The following SCHIP1 variants were observed in gnomAD, a reference collection of about 807,000 sequenced individuals.
SCHIP1 encodes schwannomin-interacting protein 1.
Under a neutral mutation model 29.7 loss-of-function variants are expected in SCHIP1, and 8 were observed. The ratio of observed to expected loss-of-function variants is 0.27; its 90% confidence interval spans 0.16 to 0.49. The LOEUF is 0.49. Among genes scored for constraint, SCHIP1 ranks in the 20% least tolerant of loss-of-function variants. SCHIP1 has a pLI of 0.99. For missense variants in SCHIP1, 193 were observed against 294.6 expected (o/e 0.66, Z 2.52); for synonymous variants, 76 against 94.9 (o/e 0.80, Z 1.16).
the SCHIP1 span, among the ~76,000 whole-genome samples, chr3:159,518,478 G>T: frequency 6.6e-6 from 1 of 151,882 alleles, no homozygotes; most frequent in African/African-American, 2.4e-5. Flanking sequence ...AAATCCCTTT[G>T]AAGAAATTAC....
At chr3:159,851,662 T>G (rs2109105942) in intron 1 of SCHIP1, among the ~76,000 whole-genome samples, 1 of 152,320 alleles carries the variant, frequency 6.6e-6, no homozygotes, top group East Asian at 1.9e-4. Flanking sequence ...AGAGCATACT[T>G]TAACCCCAAA....
the SCHIP1 span, among the ~76,000 whole-genome samples, chr3:159,614,006 T>G: frequency 6.6e-6 from 1 of 152,240 alleles, no homozygotes; most frequent in Non-Finnish European, 1.5e-5. Context: ...GCATACGTAT[T>G]TAACCTGTAC....
At chr3:159,596,885 CATGTATACAT>C in the SCHIP1 span, among the ~76,000 whole-genome samples, 6,402 of 151,614 alleles carry the variant, frequency 0.042, 290 homozygotes, top group African/African-American at 0.12. Flanking sequence ...CAACATGGCA[CATGTATACAT>C]ATGTAACAAA....
At chr3:159,337,754 A>G in the SCHIP1 span, among the ~76,000 whole-genome samples, 1 of 152,104 alleles carries the variant, frequency 6.6e-6, no homozygotes, top group Non-Finnish European at 1.5e-5. Context: ...ATGTTCTCCA[A>G]TTTATAATAT....
the SCHIP1 span, among the ~76,000 whole-genome samples, chr3:159,760,769 T>C: frequency 4.6e-5 from 7 of 152,244 alleles, no homozygotes; most frequent in African/African-American, 1.7e-4. Flanking sequence ...GATTTAGTTT[T>C]ACATGAATTC....
the SCHIP1 span, among the ~76,000 whole-genome samples, chr3:159,670,081 A>C: frequency 6.6e-6 from 1 of 152,226 alleles, no homozygotes; most frequent in Non-Finnish European, 1.5e-5. Flanking sequence ...CTCTTTAAGA[A>C]AATGATCTGT....
the SCHIP1 span, among the ~76,000 whole-genome samples, chr3:159,632,437 T>G: frequency 6.6e-6 from 1 of 152,090 alleles, no homozygotes; most frequent in Admixed American, 6.6e-5. Context: ...TTCCTGGGAC[T>G]CCCTCTCCCT....
At chr3:159,811,051 C>T in the SCHIP1 span, among the ~76,000 whole-genome samples, 4 of 152,130 alleles carry the variant, frequency 2.6e-5, no homozygotes, top group African/African-American at 4.8e-5. Flanking sequence ...ATTTACCTCA[C>T]GACTAATGAT....
the SCHIP1 span, among the ~76,000 whole-genome samples, chr3:159,711,404 T>TA: frequency 2.6e-5 from 3 of 114,972 alleles, no homozygotes; most frequent in Non-Finnish European, 6.0e-5. Context: ...AAAAGAAATT[T>TA]AAAAAAAAAA....
chr3:159,282,588 GGT>G, the SCHIP1 span: 1 of 150,250 alleles, frequency 6.7e-6, no homozygotes, highest in Non-Finnish European at 1.5e-5. Context: ...TTGAAATTTT[GGT>G]GTATGGCATA....
chr3:159,397,054 T>G, the SCHIP1 span, among the ~76,000 whole-genome samples: 21 of 151,132 alleles, frequency 1.4e-4, no homozygotes, highest in East Asian at 5.8e-4. Flanking sequence ...TTCCCTTCTC[T>G]CTTCATTTCA....
At chr3:159,626,089 TATAGATAGATAGATAGATAG>T in the SCHIP1 span, among the ~76,000 whole-genome samples, 203 of 98,110 alleles carry the variant, frequency 2.1e-3, 1 homozygote, top group South Asian at 0.021. Context: ...GTGCAGCTTA[TATAGATAGATAGATAGATAG>T]ATAGATAGAT....
the SCHIP1 span, among the ~76,000 whole-genome samples, chr3:159,526,796 A>C: frequency 6.6e-6 from 1 of 152,190 alleles, no homozygotes; most frequent in African/African-American, 2.4e-5. Context: ...CACTACAGTC[A>C]ATCACCTTGT....
intron 1 of SCHIP1, chr3:159,840,322 T>G: frequency 1.0e-6 from 1 of 958,980 alleles, no homozygotes; most frequent in Non-Finnish European, 1.6e-6. Flanking sequence ...TTTTGCCATC[T>G]TCCGCGCCTG....
At chr3:159,581,755 A>G in the SCHIP1 span, among the ~76,000 whole-genome samples, 38 of 152,334 alleles carry the variant, frequency 2.5e-4, no homozygotes, top group African/African-American at 8.4e-4. Flanking sequence ...CTGATTTCAA[A>G]TCTACAGTAA....
the SCHIP1 span, among the ~76,000 whole-genome samples, chr3:159,624,458 G>T: frequency 2.6e-5 from 4 of 152,192 alleles, no homozygotes; most frequent in Non-Finnish European, 2.9e-5. Context: ...GAGGTGATCT[G>T]TGTCCAGGAC....
the SCHIP1 span, among the ~76,000 whole-genome samples, chr3:159,662,326 A>T: frequency 0.086 from 13,040 of 152,188 alleles, 1,656 homozygotes; most frequent in African/African-American, 0.28. Context: ...TGCAAGCTAC[A>T]CCCTTCTATA....
the SCHIP1 span, among the ~76,000 whole-genome samples, chr3:159,333,669 A>C: frequency 2.0e-5 from 3 of 152,200 alleles, no homozygotes; most frequent in Non-Finnish European, 2.9e-5. Flanking sequence ...CCTTCTTACA[A>C]TACTTGTTTC....
chr3:159,618,736 G>T, the SCHIP1 span, among the ~76,000 whole-genome samples: 1 of 152,204 alleles, frequency 6.6e-6, no homozygotes, highest in Non-Finnish European at 1.5e-5. Context: ...TAGAGTTGGG[G>T]AAACTGTGGC....
Sources: allele counts gnomAD v4.1 joint callset (sites outside exome capture counted in the v4.1 genomes callset), GRCh38; gene constraint gnomAD v4.1.1; transcripts MANE v1.5; gene names NCBI Gene and HGNC (gene_info 2026-07-23, HGNC 2026-07-21).